Variants in CFAP107 observed in about 807,000 individuals in gnomAD.
CFAP107 encodes the protein cilia and flagella associated protein 107, also known as cilia- and flagella-associated protein 107.
the CFAP107 span, chr1:12,760,752 C>A: frequency 2.5e-6 from 4 of 1,609,650 alleles, no homozygotes; most frequent in South Asian, 3.3e-5. Context: ...TTCAACTGGA[C>A]CCTGGTTTCT....
chr1:12,760,107 A>AG, the CFAP107 span, among the ~76,000 whole-genome samples: 13 of 152,024 alleles, frequency 8.6e-5, no homozygotes, highest in African/African-American at 2.4e-4. Flanking sequence ...ACAGGGATTG[A>AG]GGGGGAGGAC....
the CFAP107 span, chr1:12,755,646 G>A: frequency 8.1e-7 from 1 of 1,237,326 alleles, no homozygotes; most frequent in Non-Finnish European, 1.2e-6. Flanking sequence ...GGACCCAGCA[G>A]AAGTTTGAGA....
the CFAP107 span, among the ~76,000 whole-genome samples, chr1:12,755,323 T>G: frequency 6.6e-6 from 1 of 152,014 alleles, no homozygotes; most frequent in Admixed American, 6.5e-5. Flanking sequence ...GGGAATTGCT[T>G]GAACCCGAGA....
the CFAP107 span, chr1:12,753,747 C>T: frequency 6.6e-6 from 1 of 151,954 alleles, no homozygotes; most frequent in Admixed American, 6.6e-5. Context: ...CTGGATGAGA[C>T]CTAAAACTAC....
chr1:12,748,877 A>G, the CFAP107 span, among the ~76,000 whole-genome samples: 768 of 152,372 alleles, frequency 5.0e-3, 8 homozygotes, highest in African/African-American at 0.018. Context: ...GGAGATTGAA[A>G]TTATAAAAAG....
At chr1:12,762,462 A>T in the CFAP107 span, 2 of 151,526 alleles carry the variant, frequency 1.3e-5, no homozygotes, top group Non-Finnish European at 2.9e-5. Flanking sequence ...CCCAACTGAA[A>T]GTCAGAGCCT....
At chr1:12,752,935 G>T in the CFAP107 span, among the ~76,000 whole-genome samples, 1 of 152,126 alleles carries the variant, frequency 6.6e-6, no homozygotes, top group African/African-American at 2.4e-5. Flanking sequence ...TCTTTTCGCA[G>T]ATGGCATGAT....
chr1:12,763,201 A>G, the CFAP107 span: 1 of 152,032 alleles, frequency 6.6e-6, no homozygotes, highest in African/African-American at 2.4e-5. Context: ...CAACAACAAC[A>G]ACAACAAACT....
At chr1:12,746,341 C>A in the CFAP107 span, 1 of 1,043,078 alleles carries the variant, frequency 9.6e-7, no homozygotes, top group Non-Finnish European at 1.5e-6. Flanking sequence ...AAATAGGCAC[C>A]CCAAACTCAG....
the CFAP107 span, chr1:12,753,962 C>T: frequency 1.3e-5 from 2 of 151,912 alleles, no homozygotes; most frequent in Non-Finnish European, 1.5e-5. Context: ...ATGACATTGG[C>T]TTTAGCAAGA....
chr1:12,757,174 A>G, the CFAP107 span, among the ~76,000 whole-genome samples: 3 of 152,196 alleles, frequency 2.0e-5, no homozygotes, highest in East Asian at 1.9e-4. Context: ...CCTAGTTTTC[A>G]GTGCATTGCA....
the CFAP107 span, chr1:12,746,632 C>A: frequency 2.2e-6 from 2 of 920,046 alleles, no homozygotes; most frequent in Non-Finnish European, 3.5e-6. Flanking sequence ...AAATGGAGGG[C>A]AGCAGATGAT....
At chr1:12,757,539 C>A in the CFAP107 span, among the ~76,000 whole-genome samples, 6 of 151,928 alleles carry the variant, frequency 3.9e-5, no homozygotes, top group African/African-American at 1.5e-4. Context: ...TGTGCCAACA[C>A]AGCTGGCTAA....
chr1:12,749,492 T>G, the CFAP107 span, among the ~76,000 whole-genome samples: 12 of 152,134 alleles, frequency 7.9e-5, no homozygotes, highest in African/African-American at 2.7e-4. Flanking sequence ...ATGCCAATAG[T>G]CCTAGCTACT....
At chr1:12,748,647 G>A in the CFAP107 span, among the ~76,000 whole-genome samples, 97 of 151,848 alleles carry the variant, frequency 6.4e-4, 1 homozygote, top group African/African-American at 2.1e-3. Flanking sequence ...CTTTTCAAAC[G>A]CCCAATTTTC....
At chr1:12,750,287 A>G in the CFAP107 span, among the ~76,000 whole-genome samples, 1 of 152,246 alleles carries the variant, frequency 6.6e-6, no homozygotes, top group African/African-American at 2.4e-5. Flanking sequence ...AAAATTAAAC[A>G]CAAAAGAAGA....
the CFAP107 span, among the ~76,000 whole-genome samples, chr1:12,749,478 G>A: frequency 1.3e-5 from 2 of 152,156 alleles, no homozygotes; most frequent in Non-Finnish European, 2.9e-5. Flanking sequence ...GGGCACAGTG[G>A]TATATGCCAA....
the CFAP107 span, chr1:12,761,296 G>A: frequency 5.0e-6 from 1 of 200,808 alleles, no homozygotes; most frequent in South Asian, 1.5e-4. Context: ...GTGACTTGCT[G>A]AAGAGTCTAC....
At chr1:12,763,238 A>T in the CFAP107 span, 1 of 152,152 alleles carries the variant, frequency 6.6e-6, no homozygotes, top group Non-Finnish European at 1.5e-5. Flanking sequence ...GATGAGCTAA[A>T]AAAAAAATCG....
Sources: gnomAD v4.1 joint callset for allele counts (sites outside exome capture counted in the v4.1 genomes callset) on GRCh38, gnomAD v4.1.1 for gene constraint, MANE v1.5 for transcripts, NCBI Gene and HGNC (gene_info 2026-07-23, HGNC 2026-07-21) for gene names.